KLHL26: variants seen among roughly 807,000 people sequenced by gnomAD.
The protein encoded by KLHL26 is kelch-like protein 26.
In KLHL26, 4 loss-of-function variants were observed where a neutral mutation model predicts 7.1. The observed-to-expected ratio is 0.56, with a 90% CI of 0.28 to 1.28. The LOEUF (loss-of-function observed/expected upper bound fraction) is 1.28, where lower values mean the gene tolerates loss of function less well. KLHL26 is among the 50% of genes most tolerant of loss of function. The pLI, the probability that KLHL26 is intolerant of heterozygous loss-of-function variation, is 0.11. For missense variants in KLHL26, 896 were observed against 924.6 expected, an observed-to-expected ratio of 0.97 and a Z score of 0.40; for synonymous variants, 465 against 414.1, an observed-to-expected ratio of 1.12 and a Z score of -1.49.
At chr19:18,654,108 C>T (rs2052298957) in intron 1 of KLHL26, among the ~76,000 whole-genome samples, 1 of 142,108 alleles carries the variant, frequency 7.0e-6, no homozygotes, top group Non-Finnish European at 1.5e-5. Context: ...CCCTTCCATC[C>T]ACCCACCCAT....
Position 18,668,434 on chromosome 19 carries a change from A to T in KLHL26, c.1037A>T (p.Glu346Val). ...GCCCGCCACTTCCGCGAGCTCACGG[A>T]GATGGAGGTAGGCTGCAGCCACACG... ...PGARHFRELT[E>V]MEVGCSHTCV... Residue 346 changes from glutamate (E) to valine (V), a missense_variant, in exon 3 of 3, where the codon GAG (glutamate) becomes GTG (valine). Coordinates refer to ENST00000300976, the MANE Select transcript of KLHL26 (RefSeq NM_018316.3). The T allele has an allele frequency of 1.9e-6, 3 of 1,611,446 alleles. No individual in the cohort carries two copies. Among genetic ancestry groups the T allele is most frequent in the Non-Finnish European group, 2.5e-6 (3 of 1,179,708 alleles).
intron 2 of KLHL26, among the ~76,000 whole-genome samples, chr19:18,665,924 T>A (rs1199101144): frequency 6.6e-6 from 1 of 152,096 alleles, no homozygotes; most frequent in Non-Finnish European, 1.5e-5. Context: ...TCAATGAGGC[T>A]GTTGTGGGGG....
Position 18,671,402 on chromosome 19 carries a change from CA to C in KLHL26, c.*2160del, listed in dbSNP as rs1331175232. On this transcript the variant is annotated 3_prime_UTR_variant, in exon 3 of 3. Transcript: ENST00000300976. ...GCCCCACCCCCGACCTGAGCTCCCC[CA>C]AAGAGAACCCTTCCCCACTGGAGGC... 1 of 152,332 alleles carries C rather than the reference CA, an allele frequency of 6.6e-6. No individual in the cohort carries two copies. The highest frequency in any genetic ancestry group is 1.5e-5 in the Non-Finnish European group (1 of 68,098). 9.4% of individuals were successfully genotyped at this position (152,332 alleles called of 1,614,324 possible). A position where few individuals can be genotyped will look rare whatever the true frequency, so the allele number is the denominator to read the frequency against.
rs2052487541 is a variant in KLHL26, at chr19:18,668,702, C to G, written c.1305C>G (p.Pro435=). ...GSLASVERYC[P]RRNEWGYACS... ...TGGCCTCCGTGGAGCGGTACTGCCC[C>G]CGGCGCAATGAGTGGGGCTACGCCT... The change falls in exon 3 of 3, where the codon CCC becomes CCG. Residue 435 remains proline (P), a synonymous_variant. Transcript: ENST00000300976. 4 of 1,572,698 alleles carry G rather than the reference C, an allele frequency of 2.5e-6. No homozygotes were observed. The highest frequency in any genetic ancestry group is 3.4e-6 in the Non-Finnish European group (4 of 1,164,072).
chr19:18,643,077 C>T (rs1023656840), intron 1 of KLHL26, among the ~76,000 whole-genome samples: 1 of 152,012 alleles, frequency 6.6e-6, no homozygotes, highest in African/African-American at 2.4e-5. Flanking sequence ...CGTGATCCAC[C>T]TGCCTTGGCC....
intron 1 of KLHL26, among the ~76,000 whole-genome samples, chr19:18,639,145 G>A (rs936653282): frequency 6.6e-6 from 1 of 151,612 alleles, no homozygotes; most frequent in African/African-American, 2.4e-5. Flanking sequence ...GCGCAATCTC[G>A]GCTCACTGCA....
chr19:18,637,163 C>T lies in KLHL26; in HGVS notation c.83+26C>T, dbSNP rs1420769474. On this transcript the variant is annotated intron_variant, in intron 1 of 2. Transcript: ENST00000300976. ...GTGAGACCCGGCCCGCAGGATAGAC[C>T]TGCACCTGTCTTGGAGCCCAGGAAA... The T allele has an allele frequency of 5.4e-6, 7 of 1,296,888 alleles. No homozygotes were observed. The East Asian group carries it at 1.9e-4, about 35-fold the overall frequency. The allele number at this position is 1,296,888 out of a possible 1,614,324, so 80.3% of individuals were successfully genotyped here.
intron 2 of KLHL26, among the ~76,000 whole-genome samples, chr19:18,666,054 C>G (rs770018406): frequency 6.6e-6 from 1 of 152,244 alleles, no homozygotes; most frequent in Non-Finnish European, 1.5e-5. Context: ...CTGCAGCCAG[C>G]GAGACCTTAA....
rs1242474386 is a variant in KLHL26, at chr19:18,664,283, C to T, written c.106C>T (p.Leu36Phe). 4 of 1,604,950 alleles carry T rather than the reference C, an allele frequency of 2.5e-6. No individual in the cohort carries two copies. Among genetic ancestry groups the T allele is most frequent in the Non-Finnish European group, 3.4e-6 (4 of 1,177,150 alleles). ...CAGCACGGCCGACAAGAACGGGGCCCTCAAGTGCACCTTCTCGGCACCCAG... is the reference window on the plus strand; with the variant it reads ...CAGCACGGCCGACAAGAACGGGGCCTTCAAGTGCACCTTCTCGGCACCCAG... ...PNSTADKNGALKCTFSAPSHS... is the reference protein window; with the variant it reads ...PNSTADKNGAFKCTFSAPSHS... The change falls in exon 2 of 3, where the codon CTC becomes TTC. Residue 36 changes from leucine (L) to phenylalanine (F), a missense_variant. Coordinates refer to ENST00000300976, the MANE Select transcript of KLHL26 (RefSeq NM_018316.3).
chr19:18,667,532 C>G, intron 2 of KLHL26, 132 bp from the exon 3 acceptor site: 1 of 1,431,950 alleles, frequency 7.0e-7, no homozygotes, highest in Non-Finnish European at 9.2e-7. Context: ...GAGCATTCCG[C>G]CTACTTTCCT....
chr19:18,641,738 C>T (rs895073477), intron 1 of KLHL26, among the ~76,000 whole-genome samples: 2 of 151,508 alleles, frequency 1.3e-5, no homozygotes, highest in Non-Finnish European at 2.9e-5. Flanking sequence ...AAGCAATTCT[C>T]CTGCCCCAGC....
chr19:18,667,891 G>T lies in KLHL26; in HGVS notation c.494G>T (p.Cys165Phe). 1 of 1,612,592 alleles carries T rather than the reference G, an allele frequency of 6.2e-7. No homozygotes were observed. Among genetic ancestry groups the T allele is most frequent in the Non-Finnish European group, 8.5e-7 (1 of 1,179,994 alleles). Residue 165 changes from cysteine (C) to phenylalanine (F), a missense_variant, in exon 3 of 3, where the codon TGC becomes TTC. Cys to Phe is a radical substitution (Grantham distance 205). Transcript: ENST00000300976. ...FLKAAMSVETCLNIGQMATTF... is the reference protein window; with the variant it reads ...FLKAAMSVETFLNIGQMATTF... Reference sequence around the variant, plus strand: ...AAGGCGGCCATGAGCGTGGAGACCTGCCTCAACATCGGCCAGATGGCCACC... The same window carrying T: ...AAGGCGGCCATGAGCGTGGAGACCTTCCTCAACATCGGCCAGATGGCCACC...
chr19:18,668,037 C>T lies in KLHL26; in HGVS notation c.640C>T (p.Gln214Ter). Residue 214 changes from glutamine (Q) to a stop codon, truncating the protein, a stop_gained, in exon 3 of 3, where the codon CAG becomes TAG. Transcript: ENST00000300976. LOFTEE classifies it low-confidence loss of function (END_TRUNC). ...ACTGGAGCGCCTGGTCTTCTTCCTGCAGAGCAACCGGCTGCAGAGCTGTGC... is the reference window on the plus strand; with the variant it reads ...ACTGGAGCGCCTGGTCTTCTTCCTGTAGAGCAACCGGCTGCAGAGCTGTGC... ...LPLERLVFFL[Q>*]SNRLQSCAEI... 1 of 1,608,642 alleles carries T rather than the reference C, an allele frequency of 6.2e-7. No homozygotes were observed. Among genetic ancestry groups the T allele is most frequent in the Non-Finnish European group, 8.5e-7 (1 of 1,179,970 alleles).
At chr19:18,641,278 T>G (rs893915658) in intron 1 of KLHL26, among the ~76,000 whole-genome samples, 1 of 151,516 alleles carries the variant, frequency 6.6e-6, no homozygotes, top group Non-Finnish European at 1.5e-5. Flanking sequence ...TGGTAACGTG[T>G]CTTTTCAAAT....
rs772672850 is a variant in KLHL26 at position 18,668,412 on chromosome 19, C to G, written c.1015C>G (p.Arg339Gly). The part of the protein sequence containing the change: ...KVYQLPEPGA[R>G]HFRELTEMEV... ...CTACCAGCTGCCTGAGCCGGGAGCC[C>G]GCCACTTCCGCGAGCTCACGGAGAT... Residue 339 changes from arginine (R) to glycine (G), a missense_variant, in exon 3 of 3, where the codon CGC becomes GGC. Physicochemically the swap from Arg to Gly is moderately radical, Grantham distance 125 (BLOSUM62 -2). Transcript: ENST00000300976. 1.5e-5 allele frequency: 24 copies of G among 1,610,592 alleles called. 1 individual carries two copies. In the South Asian group the frequency reaches 2.6e-4, roughly 18 times the overall value.
chr19:18,643,410 G>A (rs1239653504), intron 1 of KLHL26, among the ~76,000 whole-genome samples: 1 of 151,008 alleles, frequency 6.6e-6, no homozygotes, highest in African/African-American at 2.4e-5. Context: ...GCTCCACTGC[G>A]CTCCCACCTG....
At chr19:18,638,585 G>C (rs1018689487) in intron 1 of KLHL26, among the ~76,000 whole-genome samples, 3 of 152,232 alleles carry the variant, frequency 2.0e-5, no homozygotes, top group Non-Finnish European at 4.4e-5. Context: ...AGTGGCCAGG[G>C]CTTGAAAATT....
rs1457874400 is a variant in KLHL26 at position 18,650,682 on chromosome 19, C to T, written c.83+13545C>T. ...GGCTGATGGCACCGGGCCCCTTTGC[C>T]GTTCCAGCCTCAGTCACGCCTCCAG... On this transcript the variant is annotated intron_variant, in intron 1 of 2. Transcript: ENST00000300976. This position sits in a 1 kb window ranked among gnomAD's most constrained non-coding sequence, Gnocchi z 4.2. Among the ~76,000 whole-genome samples, 2 of 152,202 alleles carry T rather than the reference C, an allele frequency of 1.3e-5. No individual in the cohort carries two copies. The highest frequency in any genetic ancestry group is 2.1e-4 in the South Asian group (1 of 4,830).
At position 18,650,128 on chromosome 19, in the gene KLHL26, C is replaced by T. The variant is rs1226286545; in HGVS notation, c.83+12991C>T. Among the ~76,000 whole-genome samples the T allele has an allele frequency of 6.6e-6, 1 of 152,066 alleles. No homozygotes were observed. Among genetic ancestry groups the T allele is most frequent in the African/African-American group, 2.4e-5 (1 of 41,376 alleles). Reference sequence around the variant, plus strand: ...GAGGGGGGTCACCCGAGGATCGAGGCCGAAGATGTTTACTGACGCCACAAC... The same window carrying T: ...GAGGGGGGTCACCCGAGGATCGAGGTCGAAGATGTTTACTGACGCCACAAC... On this transcript the variant is annotated intron_variant, in intron 1 of 2. Coordinates refer to ENST00000300976, the MANE Select transcript of KLHL26 (RefSeq NM_018316.3). The surrounding 1 kb of genome is among the most constrained non-coding windows in gnomAD (Gnocchi z 4.2).
Sources: gnomAD v4.1 joint callset for allele counts (sites outside exome capture counted in the v4.1 genomes callset) on GRCh38, gnomAD v4.1.1 for gene constraint, Gnocchi (gnomAD v3.1) non-coding constraint, MANE v1.5 for transcripts, NCBI Gene and HGNC (gene_info 2026-07-23, HGNC 2026-07-21) for gene names.